TSC1: variants seen among roughly 807,000 people sequenced by gnomAD.
TSC1 encodes the protein TSC complex subunit 1.
A neutral mutation model predicts 124.3 loss-of-function variants in TSC1; 20 were observed. The ratio of observed to expected loss-of-function variants is 0.16; its 90% confidence interval spans 0.11 to 0.23. The LOEUF (loss-of-function observed/expected upper bound fraction) is 0.23. Ranked by LOEUF, TSC1 falls within the 10% of genes least tolerant of loss-of-function variation. The pLI is 1.00. For synonymous variants in TSC1, 493 were observed against 539.1 expected (o/e 0.91, Z 1.19); for missense variants, 1,124 against 1,448.5 (o/e 0.78, Z 3.64).
chr9:132,904,679 T>G (rs968701501), intron 15 of TSC1, among the ~76,000 whole-genome samples: 2 of 152,198 alleles, frequency 1.3e-5, no homozygotes, highest in Non-Finnish European at 2.9e-5. Flanking sequence ...GTTGTTAGCT[T>G]AACACAGTCC....
rs953635304 is a variant in TSC1, at chr9:132,901,961, C to A, written c.2392-262G>T. 1.9e-5 allele frequency: 8 copies of A among 430,666 alleles called. No homozygotes were observed. In the South Asian group the frequency reaches 2.9e-4, roughly 16 times the overall value. 26.7% of individuals were successfully genotyped at this position (430,666 alleles called of 1,614,324 possible). A position where few individuals can be genotyped will look rare whatever the true frequency, so the allele number is the denominator to read the frequency against. On this transcript the variant is annotated intron_variant, in intron 18 of 22. Transcript: ENST00000298552. ...ACCAAAGAGCCCTGAGGCTACACAGCAAACTCACAGGGATGCTGCAGAAAG... is the reference window on the plus strand; with the variant it reads ...ACCAAAGAGCCCTGAGGCTACACAGAAAACTCACAGGGATGCTGCAGAAAG...
At chr9:132,915,955 T>A (rs749314308) in intron 8 of TSC1, among the ~76,000 whole-genome samples, 1 of 152,200 alleles carries the variant, frequency 6.6e-6, no homozygotes. Flanking sequence ...TAGAAAGTGA[T>A]TGAGAGCAGG....
chr9:132,897,880 A>C (rs1250807633), intron 20 of TSC1, among the ~76,000 whole-genome samples: 5 of 152,224 alleles, frequency 3.3e-5, no homozygotes, highest in African/African-American at 1.2e-4. Flanking sequence ...AAGAGCAAAA[A>C]CCTGGAAACA....
intron 20 of TSC1, chr9:132,899,646 T>C (rs1400720558): frequency 6.6e-6 from 1 of 152,178 alleles, no homozygotes; most frequent in African/African-American, 2.4e-5. Flanking sequence ...CCAGCCCTAG[T>C]TTGGTTTTTG....
intron 4 of TSC1, 175 bp from the exon 5 acceptor site, chr9:132,925,914 T>G (rs1375796448): frequency 2.4e-6 from 2 of 823,130 alleles, no homozygotes; most frequent in East Asian, 5.4e-5. Context: ...AACAAAACAC[T>G]GCTGCATTTG....
In TSC1 at chr9:132,894,911, G is replaced by C. The variant is rs774716260; in HGVS notation, c.*1324C>G. On this transcript the variant is annotated 3_prime_UTR_variant, in exon 23 of 23. Coordinates refer to ENST00000298552, the MANE Select transcript of TSC1 (RefSeq NM_000368.5). ...CCAGACCACAGTTCTTAGGCTTCTA[G>C]CGTTTCTTTCAGGAGCACTTGTTGA... 8.6e-6 allele frequency: 2 copies of C among 231,850 alleles called. No homozygotes were observed. Among genetic ancestry groups the C allele is most frequent in the African/African-American group, 4.4e-5 (2 of 45,264 alleles). 14.4% of individuals were successfully genotyped at this position (231,850 alleles called of 1,614,324 possible). A position where few individuals can be genotyped will look rare whatever the true frequency, so the allele number is the denominator to read the frequency against.
At position 132,910,475 on chromosome 9, in the gene TSC1, C is replaced by T. The variant is rs746493471; in HGVS notation, c.1263+96G>A. On this transcript the variant is annotated intron_variant, in intron 12 of 22. Transcript: ENST00000298552. ...GATTCAAACCCATTGCATTTTAGGT[C>T]AGAATTCTATCTGGCATAATTAGGC... 7.5e-6 allele frequency: 12 copies of T among 1,603,268 alleles called. No individual in the cohort carries two copies. In the South Asian group the frequency reaches 9.9e-5, roughly 13 times the overall value.
intron 8 of TSC1, among the ~76,000 whole-genome samples, chr9:132,917,484 C>T: frequency 6.6e-6 from 1 of 152,122 alleles, no homozygotes; most frequent in South Asian, 2.1e-4. Context: ...GCACCCACCA[C>T]CATGCCCGAC....
rs118203613 is a variant in TSC1 at position 132,904,508 on chromosome 9, G to A, written c.1998-54C>T. The A allele has an allele frequency of 2.6e-6, 4 of 1,560,158 alleles. No homozygotes were observed. Among genetic ancestry groups the A allele is most frequent in the Non-Finnish European group, 3.5e-6 (4 of 1,131,702 alleles). ...TTACCGATCTTACCAAGAAAAAAAC[G>A]TATCTGGACTTTTATTTGCAGCAAA... On this transcript the variant is annotated intron_variant, in intron 15 of 22. Coordinates refer to ENST00000298552, the MANE Select transcript of TSC1 (RefSeq NM_000368.5).
chr9:132,926,868 G>T, intron 4 of TSC1: 1 of 338,440 alleles, frequency 3.0e-6, no homozygotes, highest in African/African-American at 2.1e-5. Context: ...GTAGAGACGG[G>T]GTTTCACTGT....
intron 2 of TSC1, 61 bp downstream of exon 2, chr9:132,934,972 G>A (rs1430335497): frequency 7.5e-6 from 3 of 398,768 alleles, no homozygotes; most frequent in African/African-American, 4.1e-5. Context: ...CTGAATGCAC[G>A]ACCATGGGCA....
At chr9:132,919,213 C>T (rs1192797603) in intron 8 of TSC1, among the ~76,000 whole-genome samples, 1 of 152,150 alleles carries the variant, frequency 6.6e-6, no homozygotes, top group East Asian at 1.9e-4. Context: ...GGTATAATCT[C>T]GCAGAACCAC....
At chr9:132,915,374 A>C (rs892029181) in intron 8 of TSC1, among the ~76,000 whole-genome samples, 16 of 152,192 alleles carry the variant, frequency 1.1e-4, no homozygotes, top group African/African-American at 3.9e-4. Flanking sequence ...ATAATCTTAA[A>C]AGAAAAAAAG....
At chr9:132,910,882 A>C (rs989763864) in intron 11 of TSC1, 120 bp downstream of exon 11, 1 of 1,292,612 alleles carries the variant, frequency 7.7e-7, no homozygotes, top group African/African-American at 1.5e-5. Context: ...AGGGATTTGC[A>C]ATAAGTGTCA....
intron 12 of TSC1, among the ~76,000 whole-genome samples, chr9:132,908,251 A>T (rs1845769772): frequency 6.6e-6 from 1 of 152,234 alleles, no homozygotes; most frequent in Non-Finnish European, 1.5e-5. Flanking sequence ...TTATTAAAAA[A>T]CTATATTTCC....
chr9:132,926,865 C>CG (rs1846892811), intron 4 of TSC1: 1 of 332,208 alleles, frequency 3.0e-6, no homozygotes, highest in African/African-American at 2.1e-5. Context: ...TTAGTAGAGA[C>CG]GGGGTTTCAC....
In TSC1 at chr9:132,896,493, G is replaced by A. The variant is rs749995749; in HGVS notation, c.3237C>T (p.Gly1079=). The change falls in exon 23 of 23, where the codon GGC becomes GGT. Residue 1079 remains glycine (G), a synonymous_variant. Transcript: ENST00000298552. This position sits in a 1 kb window ranked among gnomAD's most constrained non-coding sequence, Gnocchi z 4.5. The part of the protein sequence containing the change: ...EASASIPTTV[G]SLPSSKSFLG... Reference sequence around the variant, plus strand: ...GGAAGCTTTTTGAACTGGGAAGTGAGCCCACAGTGGTGGGGATGCTGGCAG... The same window carrying A: ...GGAAGCTTTTTGAACTGGGAAGTGAACCCACAGTGGTGGGGATGCTGGCAG... 3.1e-6 allele frequency: 5 copies of A among 1,614,226 alleles called. No homozygotes were observed. In the Admixed American group the frequency reaches 6.7e-5, roughly 22 times the overall value.
intron 8 of TSC1, among the ~76,000 whole-genome samples, chr9:132,914,923 C>A (rs1279056546): frequency 1.3e-5 from 2 of 151,936 alleles, no homozygotes. Flanking sequence ...CACCTGTAAT[C>A]CCAGCACTAT....
chr9:132,906,569 T>C lies in TSC1; in HGVS notation c.1438+162A>G, dbSNP rs1039821266. On this transcript the variant is annotated intron_variant, in intron 14 of 22. Coordinates refer to ENST00000298552, the MANE Select transcript of TSC1 (RefSeq NM_000368.5). The surrounding 1 kb of genome is among the most constrained non-coding windows in gnomAD (Gnocchi z 4.1). The stretch of plus-strand genomic sequence containing the variant: ...GTCTCAAAAAAAAAAAAAAAAAAAG[T>C]GGCATCACTTTACCTGGCATAGGTC... 3.5e-6 allele frequency: 2 copies of C among 574,002 alleles called. No individual in the cohort carries two copies. Among genetic ancestry groups the C allele is most frequent in the Non-Finnish European group, 6.0e-6 (2 of 330,654 alleles). 35.6% of individuals were successfully genotyped at this position (574,002 alleles called of 1,614,324 possible). A position where few individuals can be genotyped will look rare whatever the true frequency, so the allele number is the denominator to read the frequency against.
Sources: allele counts gnomAD v4.1 joint callset (sites outside exome capture counted in the v4.1 genomes callset), GRCh38; gene constraint gnomAD v4.1.1; non-coding constraint Gnocchi (gnomAD v3.1); transcripts MANE v1.5; gene names NCBI Gene and HGNC (gene_info 2026-07-23, HGNC 2026-07-21).